The following SLC35E3 variants were observed in gnomAD, a reference collection of about 807,000 sequenced individuals.
SLC35E3 encodes the protein solute carrier family 35 member E3.
SLC35E3 carries 28 observed loss-of-function variants against 30.8 expected under a neutral mutation model. The ratio of observed to expected loss-of-function variants is 0.91; its 90% confidence interval spans 0.67 to 1.25. The LOEUF is 1.25. Ranked by LOEUF, SLC35E3 falls within the 50% of genes most tolerant of loss-of-function variation. SLC35E3 has a pLI of 0.00. For synonymous variants in SLC35E3, 146 were observed against 149.2 expected, an observed-to-expected ratio of 0.98 and a Z score of 0.16; for missense variants, 365 against 375.4, an observed-to-expected ratio of 0.97 and a Z score of 0.23.
chr12:68,754,672 C>T (rs552383845), intron 3 of SLC35E3, among the ~76,000 whole-genome samples: 16 of 152,002 alleles, frequency 1.1e-4, no homozygotes, highest in Non-Finnish European at 2.1e-4. Flanking sequence ...CATCCTTGTA[C>T]ATCATGTGTT....
In SLC35E3 at chr12:68,765,282, C is replaced by T. The variant is rs1565718623; in HGVS notation, c.*392C>T. 1 of 151,874 alleles carries T rather than the reference C, an allele frequency of 6.6e-6. No individual in the cohort carries two copies. Among genetic ancestry groups the T allele is most frequent in the African/African-American group, 2.4e-5 (1 of 40,922 alleles). The allele number at this position is 151,874 out of a possible 1,614,324, so 9.4% of individuals were successfully genotyped here. ...AAAAAAAAAAAATTGGTGACAGACT[C>T]AATGATGGAATGATTTGTCGGAATT... On this transcript the variant is annotated 3_prime_UTR_variant, in exon 5 of 5. Transcript: ENST00000398004.
chr12:68,759,100 G>A (rs986334128), intron 3 of SLC35E3, 57 bp from the exon 4 acceptor site: 11 of 1,156,560 alleles, frequency 9.5e-6, no homozygotes, highest in Non-Finnish European at 1.4e-5. Context: ...ATGTATCTTT[G>A]CTTGATGATT....
chr12:68,759,230 C>T lies in SLC35E3; in HGVS notation c.746C>T (p.Ser249Leu), dbSNP rs1565716098. 2.5e-6 allele frequency: 4 copies of T among 1,611,350 alleles called. No individual in the cohort carries two copies. Among genetic ancestry groups the T allele is most frequent in the Non-Finnish European group, 2.5e-6 (3 of 1,177,768 alleles). ...ATTTATTGGATCATTGGGAACACTT[C>T]ACCTGTCACGTATCCTTTTCATATA... is the stretch of plus-strand genomic sequence containing the variant. ...LSIYWIIGNT[S>L]PVTYNMFGHF... The change falls in exon 4 of 5, where the codon TCA (serine) becomes TTA (leucine). Residue 249 changes from serine to leucine, a missense_variant. Ser to Leu is a moderately radical substitution (Grantham distance 145, BLOSUM62 -2). Transcript: ENST00000398004.
chr12:68,779,576 G>A lies in SLC35E3; in HGVS notation c.*14686G>A, dbSNP rs1879831102. 6.6e-6 allele frequency: 1 copy of A among 152,100 alleles called. No homozygotes were observed. The highest frequency in any genetic ancestry group is 6.6e-5 in the Admixed American group (1 of 15,258). The allele number at this position is 152,100 out of a possible 1,614,324, so 9.4% of individuals were successfully genotyped here. ...TGAGAAGGAAAAAAAGCTTAACAAG[G>A]GGGAATTGAGGAAGCCATTTGCAAA... On this transcript the variant is annotated 3_prime_UTR_variant, in exon 5 of 5. Transcript: ENST00000398004.
At chr12:68,763,762 A>C (rs1879298817) in intron 4 of SLC35E3, among the ~76,000 whole-genome samples, 2 of 152,192 alleles carry the variant, frequency 1.3e-5, no homozygotes, top group Admixed American at 1.3e-4. Context: ...GATTTGGAAA[A>C]ATCTTAATCC....
In SLC35E3 at chr12:68,748,025, A is replaced by C. The variant is rs1231853861; in HGVS notation, c.498A>C (p.Thr166=). The C allele has an allele frequency of 6.3e-7, 1 of 1,599,820 alleles. No homozygotes were observed. The highest frequency in any genetic ancestry group is 8.6e-7 in the Non-Finnish European group (1 of 1,169,448). The part of the protein sequence containing the change: ...MVFAALGVLV[T]SLYQVWVGAK... ...TTGCTGCTCTTGGTGTTTTAGTTACATCCCTTTATCAAGTGGTTGGTAATT... is the reference window on the plus strand; with the variant it reads ...TTGCTGCTCTTGGTGTTTTAGTTACCTCCCTTTATCAAGTGGTTGGTAATT... Residue 166 remains threonine, a synonymous_variant, in exon 2 of 5, where the codon ACA becomes ACC. Coordinates refer to ENST00000398004, the MANE Select transcript of SLC35E3 (RefSeq NM_018656.5).
rs1879414510 is a variant in SLC35E3 at position 68,766,339 on chromosome 12, AGC to A, written c.*1450_*1451del. On this transcript the variant is annotated 3_prime_UTR_variant, in exon 5 of 5. Coordinates refer to ENST00000398004, the MANE Select transcript of SLC35E3 (RefSeq NM_018656.5). ...CCGTCTCTACTAAAAATACAAAATT[AGC>A]CAGGCATGGTGGCACATGCCTGTAA... 1 of 152,268 alleles carries A rather than the reference AGC, an allele frequency of 6.6e-6. No individual in the cohort carries two copies. Among genetic ancestry groups the A allele is most frequent in the Non-Finnish European group, 1.5e-5 (1 of 68,226 alleles). 9.4% of individuals were successfully genotyped at this position (152,268 alleles called of 1,614,324 possible). A position where few individuals can be genotyped will look rare whatever the true frequency, so the allele number is the denominator to read the frequency against.
At chr12:68,751,867 A>G (rs1262671609) in intron 2 of SLC35E3, among the ~76,000 whole-genome samples, 165 bp from the exon 3 acceptor site, 1 of 152,236 alleles carries the variant, frequency 6.6e-6, no homozygotes, top group Non-Finnish European at 1.5e-5. Flanking sequence ...CTTAAAGGGC[A>G]TTCATATAGC....
chr12:68,747,430 C>T (rs554361665), intron 1 of SLC35E3, among the ~76,000 whole-genome samples: 19 of 152,140 alleles, frequency 1.2e-4, no homozygotes, highest in African/African-American at 3.6e-4. Flanking sequence ...CCACCACGCC[C>T]GGCTAATTTT....
In SLC35E3 at chr12:68,765,191, G is replaced by A. The variant is rs183927761; in HGVS notation, c.*301G>A. 2.3e-3 allele frequency: 431 copies of A among 189,114 alleles called. 1 individual carries two copies. The highest frequency in any genetic ancestry group is 8.8e-3 in the African/African-American group (375 of 42,688). The allele number at this position is 189,114 out of a possible 1,614,324, so 11.7% of individuals were successfully genotyped here. A position where few individuals can be genotyped will look rare whatever the true frequency, so the allele number is the denominator to read the frequency against. On this transcript the variant is annotated 3_prime_UTR_variant, in exon 5 of 5. Coordinates refer to ENST00000398004, the MANE Select transcript of SLC35E3 (RefSeq NM_018656.5). ...GAATCACTTGAACCCGGGAGGCGGC[G>A]GTTGCAGTGAGCCGAGATCGTACCA...
At chr12:68,752,212 A>G in intron 3 of SLC35E3, 22 bp downstream of exon 3, 2 of 1,581,816 alleles carry the variant, frequency 1.3e-6, no homozygotes, top group East Asian at 4.5e-5. Context: ...TTGTTTTGAT[A>G]TCTAAGAAAC....
At chr12:68,763,246 G>C (rs1315099572) in intron 4 of SLC35E3, among the ~76,000 whole-genome samples, 1 of 152,132 alleles carries the variant, frequency 6.6e-6, no homozygotes, top group Non-Finnish European at 1.5e-5. Flanking sequence ...CTAATGCACA[G>C]AGTGGTGGCT....
chr12:68,751,024 G>C (rs1878770902), intron 2 of SLC35E3, among the ~76,000 whole-genome samples: 1 of 152,106 alleles, frequency 6.6e-6, no homozygotes, highest in Non-Finnish European at 1.5e-5. Context: ...GTATTTTGTG[G>C]ACGAATGGGA....
rs913387030 is a variant in SLC35E3, at chr12:68,746,265, G to A, written c.-113G>A. ...GGGTTGATCTGTGCATGCCACTCCT[G>A]GGTCAGACGGTGAGGTCGGCGTCTG... is the stretch of plus-strand genomic sequence containing the variant. On this transcript the variant is annotated 5_prime_UTR_variant, in exon 1 of 5. Transcript: ENST00000398004. 1.5e-5 allele frequency: 15 copies of A among 1,032,400 alleles called. No homozygotes were observed. The highest frequency in any genetic ancestry group is 2.1e-5 in the Non-Finnish European group (15 of 720,496). 64.0% of individuals were successfully genotyped at this position (1,032,400 alleles called of 1,614,324 possible). A position where few individuals can be genotyped will look rare whatever the true frequency, so the allele number is the denominator to read the frequency against.
intron 4 of SLC35E3, among the ~76,000 whole-genome samples, chr12:68,761,952 G>A (rs1879244800): frequency 1.3e-5 from 2 of 151,904 alleles, no homozygotes; most frequent in African/African-American, 2.4e-5. Flanking sequence ...TGCTCAGTTC[G>A]GGGAGTATTT....
At position 68,758,729 on chromosome 12, in the gene SLC35E3, C is replaced by CTTTTTTT. The variant is rs776771224; in HGVS notation, c.673-404_673-398dup. 1.3e-3 allele frequency among the ~76,000 whole-genome samples: 64 copies of CTTTTTTT among 48,420 alleles called. 4 individuals are homozygous for CTTTTTTT. The highest frequency in any genetic ancestry group is 1.9e-3 in the African/African-American group (24 of 12,332). The allele number at this position is 48,420 out of a possible 152,430, so 31.8% of individuals were successfully genotyped here. On this transcript the variant is annotated intron_variant, in intron 3 of 4. Coordinates refer to ENST00000398004, the MANE Select transcript of SLC35E3 (RefSeq NM_018656.5). The stretch of plus-strand genomic sequence containing the variant: ...TGTCTCCCAACCCCAAATTCTCTTT[C>CTTTTTTT]TTTTTTTTTTTTTTTTTTTTTTTTT...
intron 4 of SLC35E3, among the ~76,000 whole-genome samples, chr12:68,761,405 A>G (rs927085016): frequency 7.9e-5 from 12 of 152,202 alleles, no homozygotes; most frequent in African/African-American, 2.7e-4. Flanking sequence ...TTAAAATAAA[A>G]TAAATCATAG....
At position 68,759,242 on chromosome 12, in the gene SLC35E3, A is replaced by G. The variant is rs1879157737; in HGVS notation, c.755+3A>G. The stretch of plus-strand genomic sequence containing the variant: ...ATTGGGAACACTTCACCTGTCACGT[A>G]TCCTTTTCATATAACTTAGAAATGC... On this transcript the variant is annotated splice_donor_region_variant and intron_variant, in intron 4 of 4. Transcript: ENST00000398004. 2.5e-6 allele frequency: 4 copies of G among 1,602,928 alleles called. No individual in the cohort carries two copies. The highest frequency in any genetic ancestry group is 3.4e-6 in the Non-Finnish European group (4 of 1,171,880).
intron 3 of SLC35E3, among the ~76,000 whole-genome samples, chr12:68,753,798 G>T (rs1306691570): frequency 1.4e-5 from 1 of 69,992 alleles, no homozygotes; most frequent in Non-Finnish European, 2.8e-5. Context: ...TCTCCATGCC[G>T]TATATATCCA....
Sources: allele counts gnomAD v4.1 joint callset (sites outside exome capture counted in the v4.1 genomes callset), GRCh38; gene constraint gnomAD v4.1.1; transcripts MANE v1.5; gene names NCBI Gene and HGNC (gene_info 2026-07-23, HGNC 2026-07-21).